Variants in LOXHD1 observed in about 807,000 individuals in gnomAD.
The protein encoded by LOXHD1 is lipoxygenase homology PLAT domains 1.
LOXHD1 carries 205 observed loss-of-function variants against 248.2 expected under a neutral mutation model. The observed-to-expected ratio is 0.83, with a 90% confidence interval of 0.74 to 0.93. LOXHD1 has a LOEUF of 0.93. LOXHD1 is among the 40% of genes least tolerant of loss of function. LOXHD1 has a pLI of 0.00. For missense variants in LOXHD1, 2,930 were observed against 2,971.6 expected (o/e 0.99, Z 0.33); for synonymous variants, 1,113 against 1,162.8 (o/e 0.96, Z 0.87).
chr18:46,569,533 T>C lies in LOXHD1; in HGVS notation c.2153A>G (p.Gln718Arg), dbSNP rs1474703613. 6.4e-7 allele frequency: 1 copy of C among 1,551,902 alleles called. No individual in the cohort carries two copies. The highest frequency in any genetic ancestry group is 1.4e-5 in the African/African-American group (1 of 73,056). Residue 718 changes from glutamine (Q) to arginine (R), a missense_variant, in exon 16 of 41, where the codon CAA becomes CGA. Gln to Arg is a conservative substitution (Grantham distance 43, BLOSUM62 1). Transcript: ENST00000642948. ...GTTGTTGTCAGAGACAAGAAGAACT[T>C]GCTTGATGGTGTCAGATTTATCCCC... The part of the protein sequence containing the change: ...LYGDKSDTIK[Q>R]VLLVSDNNLK...
intron 12 of LOXHD1, among the ~76,000 whole-genome samples, chr18:46,581,957 G>T (rs1038615532): frequency 6.6e-6 from 1 of 152,116 alleles, no homozygotes; most frequent in Non-Finnish European, 1.5e-5. Flanking sequence ...TACCTTTCAA[G>T]AATTAAGAAG....
At chr18:46,645,827 G>C (rs896816610) in intron 2 of LOXHD1, among the ~76,000 whole-genome samples, 2 of 152,108 alleles carry the variant, frequency 1.3e-5, no homozygotes, top group African/African-American at 2.4e-5. Flanking sequence ...CTGGGGCACA[G>C]AAGGAAAGGC....
intron 23 of LOXHD1, among the ~76,000 whole-genome samples, chr18:46,544,354 C>G (rs781366714): frequency 3.1e-4 from 47 of 152,174 alleles, no homozygotes; most frequent in Non-Finnish European, 6.6e-4. Context: ...GTTGGATGCT[C>G]AAGAATTTGT....
intron 12 of LOXHD1, among the ~76,000 whole-genome samples, chr18:46,582,719 A>G (rs1269997213): frequency 6.6e-6 from 1 of 152,212 alleles, no homozygotes; most frequent in East Asian, 1.9e-4. Flanking sequence ...TCAGCTATCA[A>G]GGCTGATGAT....
At chr18:46,533,695 G>T in intron 27 of LOXHD1, 1 of 327,896 alleles carries the variant, frequency 3.0e-6, no homozygotes, top group Non-Finnish European at 6.0e-6. Context: ...AGGCCAAGGC[G>T]GGTGGATTAC....
At chr18:46,624,007 C>T (rs981917928) in intron 4 of LOXHD1, among the ~76,000 whole-genome samples, 1 of 152,250 alleles carries the variant, frequency 6.6e-6, no homozygotes, top group African/African-American at 2.4e-5. Flanking sequence ...CTCAGGGAAG[C>T]TCACGTGGTC....
chr18:46,479,078 T>C (rs539760022), intron 40 of LOXHD1, among the ~76,000 whole-genome samples: 2 of 152,260 alleles, frequency 1.3e-5, no homozygotes, highest in African/African-American at 2.4e-5. Flanking sequence ...TTAAAGGGAC[T>C]GGTTAATTTT....
intron 5 of LOXHD1, among the ~76,000 whole-genome samples, chr18:46,613,552 C>T (rs2038539942): frequency 6.6e-6 from 1 of 151,994 alleles, no homozygotes; most frequent in Non-Finnish European, 1.5e-5. Context: ...ATTTATTTTA[C>T]TTGCCCTTTT....
chr18:46,509,918 G>T, intron 34 of LOXHD1, 103 bp from the exon 35 acceptor site: 1 of 809,704 alleles, frequency 1.2e-6, no homozygotes. Flanking sequence ...AGAAGATTAG[G>T]CCTTTACTCA....
intron 4 of LOXHD1, among the ~76,000 whole-genome samples, chr18:46,622,538 G>A (rs1186341870): frequency 1.3e-5 from 2 of 152,160 alleles, no homozygotes; most frequent in Non-Finnish European, 2.9e-5. Flanking sequence ...CTAGGCAGGG[G>A]GTGGTGGGTA....
intron 34 of LOXHD1, among the ~76,000 whole-genome samples, chr18:46,510,467 GC>G (rs1210035795): frequency 6.6e-6 from 1 of 152,186 alleles, no homozygotes; most frequent in Admixed American, 6.5e-5. Flanking sequence ...TCTCAGAGAT[GC>G]TCTATCTTTA....
chr18:46,560,690 T>TC, intron 18 of LOXHD1, 145 bp from the exon 19 acceptor site: 1 of 732,702 alleles, frequency 1.4e-6, no homozygotes, highest in Non-Finnish European at 2.2e-6. Context: ...GCTCAGATCC[T>TC]TCCACCACCT....
intron 6 of LOXHD1, among the ~76,000 whole-genome samples, chr18:46,605,668 C>T (rs768666560): frequency 1.3e-5 from 2 of 152,106 alleles, no homozygotes; most frequent in African/African-American, 4.8e-5. Flanking sequence ...CAGTACCATC[C>T]AGGATCTGAG....
chr18:46,542,640 A>C, intron 24 of LOXHD1, 87 bp downstream of exon 24: 1 of 1,493,570 alleles, frequency 6.7e-7, no homozygotes, highest in Non-Finnish European at 9.1e-7. Context: ...TGGCATTCAA[A>C]TTTCCAGAAT....
At chr18:46,521,354 C>A in intron 32 of LOXHD1, 72 bp from the exon 33 acceptor site, 1 of 1,499,874 alleles carries the variant, frequency 6.7e-7, no homozygotes, top group Non-Finnish European at 9.1e-7. Context: ...GCCCAGCCCC[C>A]TCCCTCAGTG....
intron 21 of LOXHD1, chr18:46,555,453 C>G: frequency 5.5e-6 from 1 of 181,480 alleles, no homozygotes; most frequent in Non-Finnish European, 1.1e-5. Context: ...TGTCTGTGAG[C>G]TGTGGTTCAG....
intron 10 of LOXHD1, 116 bp downstream of exon 10, chr18:46,593,484 A>C: frequency 1.7e-6 from 2 of 1,154,738 alleles, no homozygotes; most frequent in Non-Finnish European, 2.4e-6. Flanking sequence ...TCTCCATCGT[A>C]CATTTTTGTC....
chr18:46,631,313 C>A (rs2038818668), intron 4 of LOXHD1, among the ~76,000 whole-genome samples: 1 of 152,122 alleles, frequency 6.6e-6, no homozygotes, highest in Non-Finnish European at 1.5e-5. Context: ...GCTACAACCC[C>A]CCCACCACCA....
intron 6 of LOXHD1, among the ~76,000 whole-genome samples, chr18:46,610,040 G>A (rs1346983714): frequency 6.6e-6 from 1 of 152,170 alleles, no homozygotes; most frequent in African/African-American, 2.4e-5. Flanking sequence ...AAAGCAACAG[G>A]TCAAGATAAG....
Sources: gnomAD v4.1 joint callset for allele counts (sites outside exome capture counted in the v4.1 genomes callset) on GRCh38, gnomAD v4.1.1 for gene constraint, MANE v1.5 for transcripts, NCBI Gene and HGNC (gene_info 2026-07-23, HGNC 2026-07-21) for gene names.